The following TGFA variants were observed in gnomAD, a reference collection of about 807,000 sequenced individuals.
The protein encoded by TGFA is transforming growth factor alpha, also known as protransforming growth factor alpha.
TGFA carries 12 observed loss-of-function variants against 21.7 expected under a neutral mutation model. The observed-to-expected ratio is 0.55, with a 90% CI of 0.35 to 0.90. TGFA has a LOEUF of 0.90. Ranked by LOEUF, TGFA falls within the 40% of genes least tolerant of loss-of-function variation. TGFA has a pLI of 0.01. For synonymous variants in TGFA, 79 were observed against 88.1 expected (o/e 0.90, Z 0.58); for missense variants, 178 against 210.8 (o/e 0.84, Z 0.96).
At chr2:70,479,013 TTTTA>T (rs782347204) in intron 2 of TGFA, among the ~76,000 whole-genome samples, 14 of 152,342 alleles carry the variant, frequency 9.2e-5, no homozygotes, top group African/African-American at 3.1e-4. Flanking sequence ...AGTTACCAGT[TTTTA>T]TTTGTCATCT....
At chr2:70,473,838 T>C (rs1361548659) in intron 2 of TGFA, among the ~76,000 whole-genome samples, 1 of 152,168 alleles carries the variant, frequency 6.6e-6, no homozygotes, top group Non-Finnish European at 1.5e-5. Flanking sequence ...GGGGCCTTCG[T>C]TGTAGTTAAG....
At chr2:70,470,087 A>G (rs1270466294) in intron 2 of TGFA, among the ~76,000 whole-genome samples, 2 of 151,982 alleles carry the variant, frequency 1.3e-5, no homozygotes, top group East Asian at 1.9e-4. Flanking sequence ...AAAAAGGAAG[A>G]AGGAGGGAAG....
chr2:70,467,806 T>C (rs1193646780), intron 2 of TGFA: 1 of 152,236 alleles, frequency 6.6e-6, no homozygotes, highest in African/African-American at 2.4e-5. Flanking sequence ...AGTGTCATCA[T>C]TTTAGAAATC....
intron 2 of TGFA, among the ~76,000 whole-genome samples, chr2:70,476,222 C>G (rs1448207069): frequency 3.3e-5 from 5 of 151,564 alleles, no homozygotes; most frequent in Admixed American, 3.3e-4. Flanking sequence ...CTTCTTTCAT[C>G]TCTTCAAACC....
rs559629235 is a variant in TGFA, at chr2:70,550,704, G to A, written c.40+3024C>T. ...CCGGGCGTGGTGGCGGGCGCCTGTA[G>A]TCCCAGCTAATCGGGAGGCTGAGGC... On this transcript the variant is annotated intron_variant, in intron 1 of 5. Coordinates refer to ENST00000295400, the MANE Select transcript of TGFA (RefSeq NM_003236.4). Among the ~76,000 whole-genome samples, 3 of 152,212 alleles carry A rather than the reference G, an allele frequency of 2.0e-5. No homozygotes were observed. The East Asian group carries it at 5.8e-4, about 29-fold the overall frequency.
At chr2:70,480,928 G>T (rs1008261908) in intron 2 of TGFA, among the ~76,000 whole-genome samples, 1 of 152,060 alleles carries the variant, frequency 6.6e-6, no homozygotes, top group Non-Finnish European at 1.5e-5. Flanking sequence ...GGAATTCCTG[G>T]TTTAAATCCC....
intron 2 of TGFA, among the ~76,000 whole-genome samples, chr2:70,471,535 G>A (rs542147158): frequency 6.6e-6 from 1 of 152,196 alleles, no homozygotes; most frequent in Non-Finnish European, 1.5e-5. Context: ...TCATTTGAGG[G>A]CCTTTAAAGG....
chr2:70,476,671 G>C (rs1190403129), intron 2 of TGFA, among the ~76,000 whole-genome samples: 4 of 152,186 alleles, frequency 2.6e-5, no homozygotes, highest in Admixed American at 2.6e-4. Flanking sequence ...TATGTCCTCA[G>C]AACTTTTGAC....
intron 1 of TGFA, among the ~76,000 whole-genome samples, chr2:70,518,405 C>A (rs1186459320): frequency 6.6e-6 from 1 of 152,094 alleles, no homozygotes; most frequent in African/African-American, 2.4e-5. Context: ...CCTGGTCTGC[C>A]CTTAGGAAGG....
intron 1 of TGFA, among the ~76,000 whole-genome samples, chr2:70,529,029 C>T (rs986262014): frequency 2.6e-5 from 4 of 152,208 alleles, no homozygotes; most frequent in Admixed American, 6.5e-5. Context: ...CAGCTCACTC[C>T]CATCCCTGGC....
intron 2 of TGFA, among the ~76,000 whole-genome samples, chr2:70,489,384 G>A (rs1671358401): frequency 6.6e-6 from 1 of 152,206 alleles, no homozygotes; most frequent in Non-Finnish European, 1.5e-5. Flanking sequence ...CTCAACACCA[G>A]ACGAAGCACA....
At chr2:70,451,810 C>T (rs1553489664) in intron 5 of TGFA, 1 of 686,232 alleles carries the variant, frequency 1.5e-6, no homozygotes, top group South Asian at 1.5e-5. Flanking sequence ...TTCTCATCCT[C>T]ACTCCCCCAC....
chr2:70,534,885 C>T (rs1672925764), intron 1 of TGFA, among the ~76,000 whole-genome samples: 1 of 152,164 alleles, frequency 6.6e-6, no homozygotes, highest in South Asian at 2.1e-4. Flanking sequence ...GGCACCTCAG[C>T]ATCCACAGCC....
intron 2 of TGFA, among the ~76,000 whole-genome samples, chr2:70,505,557 C>G (rs188893105): frequency 1.3e-5 from 2 of 152,078 alleles, no homozygotes; most frequent in African/African-American, 4.8e-5. Context: ...CTTAAAGATA[C>G]CTTTCTGGAC....
In TGFA at chr2:70,476,250, A is replaced by C. The variant is rs72910015; in HGVS notation, c.95-10514T>G. Reference sequence around the variant, plus strand: ...TTCAAACCAGAAAGCCCCTTATTGTAATTACATCCTCTTGGTGTCAACCAG... The same window carrying C: ...TTCAAACCAGAAAGCCCCTTATTGTCATTACATCCTCTTGGTGTCAACCAG... On this transcript the variant is annotated intron_variant, in intron 2 of 5. Coordinates refer to ENST00000295400, the MANE Select transcript of TGFA (RefSeq NM_003236.4). Among the ~76,000 whole-genome samples, 367 of 152,308 alleles carry C rather than the reference A, an allele frequency of 2.4e-3. 2 individuals carry two copies. Among genetic ancestry groups the C allele is most frequent in the African/African-American group, 8.6e-3 (356 of 41,552 alleles).
chr2:70,488,781 C>T (rs1671342177), intron 2 of TGFA, among the ~76,000 whole-genome samples: 2 of 152,212 alleles, frequency 1.3e-5, no homozygotes, highest in Admixed American at 6.5e-5. Context: ...CCATTTACAA[C>T]AAGGAGTTTT....
intron 2 of TGFA, among the ~76,000 whole-genome samples, chr2:70,485,596 C>A (rs905861001): frequency 6.6e-6 from 1 of 152,114 alleles, no homozygotes; most frequent in African/African-American, 2.4e-5. Context: ...CCGAGCACTG[C>A]TTAGTTTTCA....
intron 2 of TGFA, among the ~76,000 whole-genome samples, chr2:70,511,863 CAG>C (rs1169999985): frequency 9.9e-5 from 15 of 151,356 alleles, no homozygotes; most frequent in Non-Finnish European, 1.6e-4. Flanking sequence ...ACAATGTTAA[CAG>C]AGAGTTTTAC....
At chr2:70,462,237 T>A (rs537555177) in intron 3 of TGFA, among the ~76,000 whole-genome samples, 1 of 152,288 alleles carries the variant, frequency 6.6e-6, no homozygotes, top group East Asian at 1.9e-4. Context: ...TAGTGGGAAT[T>A]CATTAATTAG....
Sources: gnomAD v4.1 joint callset for allele counts (sites outside exome capture counted in the v4.1 genomes callset) on GRCh38, gnomAD v4.1.1 for gene constraint, MANE v1.5 for transcripts, NCBI Gene and HGNC (gene_info 2026-07-23, HGNC 2026-07-21) for gene names.